The following RSU1 variants were observed in gnomAD, a reference collection of about 807,000 sequenced individuals.
The protein encoded by RSU1 is rsu-1.
In RSU1, 26 loss-of-function variants were observed where a neutral mutation model predicts 31.1. The ratio of observed to expected loss-of-function variants is 0.84; its 90% CI spans 0.61 to 1.16. The LOEUF (loss-of-function observed/expected upper bound fraction) is 1.16, where lower values mean the gene tolerates loss of function less well. Ranked by LOEUF, RSU1 falls within the 50% of genes most tolerant of loss-of-function variation. The pLI, the probability that RSU1 is intolerant of heterozygous loss-of-function variation, is 0.00. For synonymous variants in RSU1, 164 were observed against 136.3 expected, an observed-to-expected ratio of 1.20 and a Z score of -1.41; for missense variants, 320 against 339.1, an observed-to-expected ratio of 0.94 and a Z score of 0.44.
At chr10:16,671,552 G>A (rs889786439) in intron 8 of RSU1, among the ~76,000 whole-genome samples, 12 of 151,974 alleles carry the variant, frequency 7.9e-5, no homozygotes, top group Non-Finnish European at 1.5e-4. Context: ...GGGCTCAAGC[G>A]ATCCTCCCAC....
At position 16,710,550 on chromosome 10, in the gene RSU1, A is replaced by G. The variant is rs114220634; in HGVS notation, c.599-15395T>C. Among the ~76,000 whole-genome samples the G allele has an allele frequency of 2.4e-3, 359 of 152,098 alleles. 2 individuals are homozygous for G. The highest frequency in any genetic ancestry group is 8.1e-3 in the African/African-American group (336 of 41,440). On this transcript the variant is annotated intron_variant, in intron 7 of 8. Transcript: ENST00000345264. ...ATTTTACAAATACTCCCCACTTATC[A>G]ATTTTCTGGAATAGTTTGAGGAGAA...
At chr10:16,676,875 G>T (rs1419167706) in intron 8 of RSU1, among the ~76,000 whole-genome samples, 1 of 152,148 alleles carries the variant, frequency 6.6e-6, no homozygotes, top group Non-Finnish European at 1.5e-5. Flanking sequence ...TGTACTTGTT[G>T]TACCAGAACC....
At chr10:16,651,622 T>G (rs1453623557) in intron 8 of RSU1, among the ~76,000 whole-genome samples, 1 of 152,192 alleles carries the variant, frequency 6.6e-6, no homozygotes, top group African/African-American at 2.4e-5. Context: ...CAAGGCAAGG[T>G]AGAACAAACA....
chr10:16,677,076 T>C (rs868207705), intron 8 of RSU1, among the ~76,000 whole-genome samples: 1 of 152,204 alleles, frequency 6.6e-6, no homozygotes, highest in Non-Finnish European at 1.5e-5. Context: ...CAAATGATCA[T>C]GTACATTCCC....
At chr10:16,698,385 G>A (rs1396462596) in intron 7 of RSU1, among the ~76,000 whole-genome samples, 4 of 152,136 alleles carry the variant, frequency 2.6e-5, no homozygotes, top group African/African-American at 7.2e-5. Flanking sequence ...AAGCACTCGT[G>A]TTCTACTACT....
chr10:16,709,441 T>C (rs1242856816), intron 7 of RSU1, among the ~76,000 whole-genome samples: 5 of 152,222 alleles, frequency 3.3e-5, no homozygotes, highest in Non-Finnish European at 7.3e-5. Flanking sequence ...TTGTGAATAG[T>C]GCCGCAATAA....
chr10:16,654,900 A>AT (rs1209467439), intron 8 of RSU1, among the ~76,000 whole-genome samples: 56 of 150,730 alleles, frequency 3.7e-4, no homozygotes, highest in Admixed American at 3.6e-3. Flanking sequence ...TTCTACAAAA[A>AT]TTTTTTTTTG....
intron 8 of RSU1, among the ~76,000 whole-genome samples, chr10:16,616,571 T>C (rs1833981227): frequency 6.6e-6 from 1 of 151,866 alleles, no homozygotes; most frequent in Admixed American, 6.6e-5. Context: ...AAAAAGAAAA[T>C]TTCAGGCCAA....
intron 8 of RSU1, among the ~76,000 whole-genome samples, chr10:16,657,276 C>T (rs1007451239): frequency 6.6e-6 from 1 of 152,172 alleles, no homozygotes; most frequent in African/African-American, 2.4e-5. Context: ...ACTCCTAGTA[C>T]TTCCTTTAGC....
intron 2 of RSU1, among the ~76,000 whole-genome samples, chr10:16,799,720 G>C (rs571978070): frequency 8.5e-5 from 13 of 152,166 alleles, no homozygotes; most frequent in Non-Finnish European, 4.4e-5. Context: ...AACAAACAGA[G>C]AAATGATTTA....
rs1222914157 is a variant in RSU1, at chr10:16,684,917, T to C, written c.731+10106A>G. 4.6e-5 allele frequency among the ~76,000 whole-genome samples: 7 copies of C among 152,174 alleles called. 1 individual carries two copies. Among genetic ancestry groups the C allele is most frequent in the Admixed American group, 4.6e-4 (7 of 15,266 alleles). ...AATTGGATAGAGAATATAAAGTATG[T>C]GCATTTTGACAATGACAGTATTGTA... On this transcript the variant is annotated intron_variant, in intron 8 of 8. Coordinates refer to ENST00000345264, the MANE Select transcript of RSU1 (RefSeq NM_012425.4).
At chr10:16,660,577 T>C (rs1158081190) in intron 8 of RSU1, among the ~76,000 whole-genome samples, 1 of 151,954 alleles carries the variant, frequency 6.6e-6, no homozygotes, top group East Asian at 1.9e-4. Flanking sequence ...TTACTGTTTT[T>C]CATCTCGTTA....
In RSU1 at chr10:16,601,086, C is replaced by T. The variant is rs567530230; in HGVS notation, c.732-7590G>A. On this transcript the variant is annotated intron_variant, in intron 8 of 8. Coordinates refer to ENST00000345264, the MANE Select transcript of RSU1 (RefSeq NM_012425.4). Reference sequence around the variant, plus strand: ...CCTGTCTGTCTTTGTGTCTTCTTTCCATCTAATTTTATAACTTTAATGATT... The same window carrying T: ...CCTGTCTGTCTTTGTGTCTTCTTTCTATCTAATTTTATAACTTTAATGATT... Among the ~76,000 whole-genome samples the T allele has an allele frequency of 1.7e-3, 257 of 152,120 alleles. 2 individuals carry two copies. The South Asian group carries it at 0.027, about 16-fold the overall frequency.
At chr10:16,602,507 T>C (rs1054565576) in intron 8 of RSU1, among the ~76,000 whole-genome samples, 1 of 152,220 alleles carries the variant, frequency 6.6e-6, no homozygotes, top group African/African-American at 2.4e-5. Context: ...GGTTTTGTTT[T>C]CTTAAGAAGT....
chr10:16,624,692 T>C (rs1834125918), intron 8 of RSU1, among the ~76,000 whole-genome samples: 1 of 152,188 alleles, frequency 6.6e-6, no homozygotes, highest in South Asian at 2.1e-4. Context: ...CTCTCTGAAA[T>C]ACTGGCTCTC....
intron 7 of RSU1, chr10:16,721,363 C>A (rs1414669189): frequency 6.6e-6 from 1 of 152,210 alleles, no homozygotes; most frequent in Non-Finnish European, 1.5e-5. Context: ...AGGGGCTGCA[C>A]CATGAGCTGC....
Position 16,592,872 on chromosome 10 carries a change from T to A in RSU1, c.*522A>T, listed in dbSNP as rs1833533167. ...AATGAAAATGTGTTATACCCCAAGA[T>A]CAGACTGTTCTTTTATTCTGAGTCA... On this transcript the variant is annotated 3_prime_UTR_variant, in exon 9 of 9. Transcript: ENST00000345264. 1 of 152,572 alleles carries A rather than the reference T, an allele frequency of 6.6e-6. No homozygotes were observed. Among genetic ancestry groups the A allele is most frequent in the East Asian group, 1.9e-4 (1 of 5,178 alleles). 9.5% of individuals were successfully genotyped at this position (152,572 alleles called of 1,614,324 possible). A position where few individuals can be genotyped will look rare whatever the true frequency, so the allele number is the denominator to read the frequency against.
chr10:16,812,606 C>T (rs1838431987), intron 2 of RSU1, among the ~76,000 whole-genome samples: 1 of 151,936 alleles, frequency 6.6e-6, no homozygotes, highest in African/African-American at 2.4e-5. Flanking sequence ...TCCAGATAAC[C>T]CATGATCATA....
chr10:16,814,559 C>A (rs1302138519), intron 2 of RSU1, among the ~76,000 whole-genome samples: 1 of 152,026 alleles, frequency 6.6e-6, no homozygotes, highest in African/African-American at 2.4e-5. Context: ...TGTGTGTGCA[C>A]TGCTGAGAAG....
Sources: allele counts gnomAD v4.1 joint callset (sites outside exome capture counted in the v4.1 genomes callset), GRCh38; gene constraint gnomAD v4.1.1; transcripts MANE v1.5; gene names NCBI Gene and HGNC (gene_info 2026-07-23, HGNC 2026-07-21).